The following SSBP3 variants were observed in gnomAD, a reference collection of about 807,000 sequenced individuals.
The protein encoded by SSBP3 is single-stranded DNA-binding protein 3.
SSBP3 carries 5 observed loss-of-function variants against 69.6 expected under a neutral mutation model. The observed-to-expected ratio is 0.07, with a 90% CI of 0.04 to 0.15. SSBP3 has a LOEUF of 0.15. Among genes scored for constraint, SSBP3 ranks in the 10% least tolerant of loss-of-function variants. SSBP3 has a pLI of 1.00. For missense variants in SSBP3, 312 were observed against 534.0 expected (o/e 0.58, Z 4.10); for synonymous variants, 196 against 193.4 (o/e 1.01, Z -0.11).
intron 4 of SSBP3, among the ~76,000 whole-genome samples, chr1:54,364,850 C>T (rs1357149304): frequency 1.3e-5 from 2 of 152,220 alleles, no homozygotes; most frequent in African/African-American, 2.4e-5. Flanking sequence ...TTACCTGCAA[C>T]GTCAGCTTTT....
intron 11 of SSBP3, 52 bp downstream of exon 11, chr1:54,242,112 A>C (rs1017016342): frequency 5.6e-6 from 9 of 1,603,896 alleles, no homozygotes; most frequent in African/African-American, 2.7e-5. Flanking sequence ...GCTCCCCTGC[A>C]CCCAGAACCG....
chr1:54,368,288 CAAAAAAAAAAAAAA>C (rs57721486), intron 4 of SSBP3, among the ~76,000 whole-genome samples: 11 of 69,044 alleles, frequency 1.6e-4, no homozygotes, highest in Non-Finnish European at 1.8e-4. Flanking sequence ...GACTCCATCT[CAAAAAAAAAAAAAA>C]AAAAAAGAAA....
intron 3 of SSBP3, among the ~76,000 whole-genome samples, chr1:54,402,267 C>T (rs1406909113): frequency 6.6e-6 from 1 of 152,190 alleles, no homozygotes; most frequent in Non-Finnish European, 1.5e-5. Flanking sequence ...GCAACTGAAG[C>T]TCCAAGGGGT....
At chr1:54,364,078 A>G (rs1646990963) in intron 4 of SSBP3, among the ~76,000 whole-genome samples, 2 of 152,360 alleles carry the variant, frequency 1.3e-5, no homozygotes, top group Non-Finnish European at 2.9e-5. Context: ...AACACTCTAG[A>G]GCTTAGGTTG....
At chr1:54,358,749 T>C (rs1261571556) in intron 4 of SSBP3, among the ~76,000 whole-genome samples, 2 of 152,150 alleles carry the variant, frequency 1.3e-5, no homozygotes, top group Non-Finnish European at 2.9e-5. Flanking sequence ...CCCAGCAGTG[T>C]GTCCCCACCT....
intron 5 of SSBP3, among the ~76,000 whole-genome samples, chr1:54,280,135 TG>T (rs1645364274): frequency 6.6e-6 from 1 of 152,250 alleles, no homozygotes; most frequent in African/African-American, 2.4e-5. Flanking sequence ...CTTCTGTTTT[TG>T]GGGAACACCT....
Position 54,243,077 on chromosome 1 carries a change from C to T in SSBP3, c.716+158G>A. 3 of 741,294 alleles carry T rather than the reference C, an allele frequency of 4.0e-6. No homozygotes were observed. In the Admixed American group the frequency reaches 6.2e-5, roughly 15 times the overall value. The allele number at this position is 741,294 out of a possible 1,614,324, so 45.9% of individuals were successfully genotyped here. On this transcript the variant is annotated intron_variant, in intron 10 of 17. Transcript: ENST00000610401. The stretch of plus-strand genomic sequence containing the variant: ...GAGGCACTCTATGAGGCTGAGCTCT[C>T]ATCACCAGGATCATCAATATCCTCA...
At chr1:54,402,890 GC>G (rs938215021) in intron 3 of SSBP3, among the ~76,000 whole-genome samples, 2 of 152,184 alleles carry the variant, frequency 1.3e-5, no homozygotes, top group African/African-American at 4.8e-5. Flanking sequence ...GGAGCCCGAG[GC>G]CCAGGGACAG....
At chr1:54,294,637 G>A (rs1393135686) in intron 4 of SSBP3, among the ~76,000 whole-genome samples, 1 of 152,190 alleles carries the variant, frequency 6.6e-6, no homozygotes, top group East Asian at 1.9e-4. Flanking sequence ...GCAGGAAGGG[G>A]TTCAAGTGGC....
chr1:54,228,126 G>C, intron 17 of SSBP3, 129 bp downstream of exon 17: 2 of 868,584 alleles, frequency 2.3e-6, no homozygotes. Flanking sequence ...AAATAACTGA[G>C]GTGGAAAAAC....
At chr1:54,264,279 G>C (rs3766432) in intron 5 of SSBP3, among the ~76,000 whole-genome samples, 8,350 of 152,266 alleles carry the variant, frequency 0.055, 326 homozygotes, top group South Asian at 0.22. Flanking sequence ...TCTAGCCTGG[G>C]TGACGGTGAG....
At chr1:54,350,081 G>C (rs1401766546) in intron 4 of SSBP3, among the ~76,000 whole-genome samples, 1 of 152,090 alleles carries the variant, frequency 6.6e-6, no homozygotes, top group Non-Finnish European at 1.5e-5. Flanking sequence ...CTGGGACTAT[G>C]AAAACCCACC....
chr1:54,389,045 G>C (rs1308345879), intron 4 of SSBP3, among the ~76,000 whole-genome samples: 1 of 152,194 alleles, frequency 6.6e-6, no homozygotes, highest in Non-Finnish European at 1.5e-5. Flanking sequence ...AGTTCTAGAA[G>C]AATCGGGTCT....
chr1:54,232,568 T>C (rs67060003), intron 14 of SSBP3, among the ~76,000 whole-genome samples: 42,578 of 152,076 alleles, frequency 0.28, 6,060 homozygotes, highest in Non-Finnish European at 0.31. Flanking sequence ...CATCTCTACA[T>C]CAACAAATAA....
chr1:54,292,800 G>C (rs1557503475), intron 4 of SSBP3, among the ~76,000 whole-genome samples: 1 of 151,976 alleles, frequency 6.6e-6, no homozygotes, highest in Non-Finnish European at 1.5e-5. Flanking sequence ...GGGCAGGAAG[G>C]GTAATATCTC....
At chr1:54,332,546 A>C (rs760958911) in intron 4 of SSBP3, among the ~76,000 whole-genome samples, 3 of 152,154 alleles carry the variant, frequency 2.0e-5, no homozygotes, top group Non-Finnish European at 2.9e-5. Context: ...GGCCCCAGTC[A>C]CTAGGGCCTG....
intron 4 of SSBP3, among the ~76,000 whole-genome samples, chr1:54,288,815 G>A (rs1056730981): frequency 6.6e-6 from 1 of 151,888 alleles, no homozygotes; most frequent in Non-Finnish European, 1.5e-5. Context: ...TCAGGAGATC[G>A]AGACCATCCT....
At chr1:54,307,516 T>C (rs1339943761) in intron 4 of SSBP3, among the ~76,000 whole-genome samples, 2 of 152,192 alleles carry the variant, frequency 1.3e-5, no homozygotes, top group Admixed American at 6.5e-5. Flanking sequence ...CTTGTCTTAA[T>C]TGATCTTCAT....
chr1:54,314,566 TAG>T (rs1646062273), intron 4 of SSBP3, among the ~76,000 whole-genome samples: 2 of 152,324 alleles, frequency 1.3e-5, no homozygotes, highest in African/African-American at 2.4e-5. Context: ...ATTTGTGAAA[TAG>T]ACTGTTAAAT....
Sources: gnomAD v4.1 joint callset for allele counts (sites outside exome capture counted in the v4.1 genomes callset) on GRCh38, gnomAD v4.1.1 for gene constraint, MANE v1.5 for transcripts, NCBI Gene and HGNC (gene_info 2026-07-23, HGNC 2026-07-21) for gene names.